The following ZFHX3 variants were observed in gnomAD, a reference collection of about 807,000 sequenced individuals.
ZFHX3 encodes zinc finger homeobox 3.
A neutral mutation model predicts 279.1 loss-of-function variants in ZFHX3; 42 were observed. The ratio of observed to expected loss-of-function variants is 0.15; its 90% CI spans 0.12 to 0.19. The LOEUF is 0.19. ZFHX3 is among the 10% of genes least tolerant of loss of function. The pLI is 1.00. For synonymous variants in ZFHX3, 2,293 were observed against 1,957.8 expected, an observed-to-expected ratio of 1.17 and a Z score of -4.52; for missense variants, 4,981 against 4,754.0, an observed-to-expected ratio of 1.05 and a Z score of -1.40.
intron 7 of ZFHX3, chr16:73,127,704 C>T: frequency 9.6e-7 from 1 of 1,042,376 alleles, no homozygotes; most frequent in Non-Finnish European, 1.2e-6. Context: ...GAACCTCACT[C>T]AGTAAGGGCT....
intron 1 of ZFHX3, among the ~76,000 whole-genome samples, chr16:72,990,146 G>A (rs564016005): frequency 1.3e-5 from 2 of 152,252 alleles, no homozygotes; most frequent in African/African-American, 2.4e-5. Flanking sequence ...AGAGGGACAC[G>A]CCTCCCTAAC....
chr16:73,852,683 G>C (rs1452512889), intron 1 of ZFHX3, among the ~76,000 whole-genome samples: 1 of 152,150 alleles, frequency 6.6e-6, no homozygotes, highest in Non-Finnish European at 1.5e-5. Flanking sequence ...CTCCTAGGAA[G>C]ACTGAGCTTT....
chr16:73,378,843 T>C (rs2016770912), intron 3 of ZFHX3, among the ~76,000 whole-genome samples: 1 of 152,182 alleles, frequency 6.6e-6, no homozygotes, highest in Admixed American at 6.5e-5. Flanking sequence ...CTTAAATCTT[T>C]CCCTGGGAGA....
intron 8 of ZFHX3, among the ~76,000 whole-genome samples, chr16:73,076,376 T>G (rs1965886731): frequency 6.6e-6 from 1 of 152,190 alleles, no homozygotes; most frequent in Non-Finnish European, 1.5e-5. Flanking sequence ...TAAAGATACG[T>G]TATCAAGGAC....
chr16:73,586,425 CAAAA>C (rs371931738), intron 2 of ZFHX3, among the ~76,000 whole-genome samples: 31 of 120,116 alleles, frequency 2.6e-4, no homozygotes, highest in South Asian at 1.7e-3. Context: ...AACAAACAAA[CAAAA>C]AAACATACAG....
chr16:73,075,507 G>A lies in ZFHX3; in HGVS notation c.-532-16495C>T. Among the ~76,000 whole-genome samples the A allele has an allele frequency of 1.3e-5, 2 of 152,034 alleles. 1 individual carries two copies. Among genetic ancestry groups the A allele is most frequent in the Non-Finnish European group, 2.9e-5 (2 of 68,002 alleles). ...CAGTGAGGCAGTGTTGGCAGCTCAG[G>A]ACAGACTCACCTTACACGCAAAGCC... On this transcript the variant is annotated intron_variant, in intron 8 of 17. Transcript: ENST00000641206.
At chr16:73,048,905 T>TG (rs1965397468), upstream of ZFHX3, among the ~76,000 whole-genome samples, 1 of 152,208 alleles carries the variant, frequency 6.6e-6, no homozygotes, top group East Asian at 1.9e-4. Flanking sequence ...GAAAAGGAGA[T>TG]GCAGTCTACC....
At chr16:73,650,773 C>T (rs548324139) in intron 2 of ZFHX3, among the ~76,000 whole-genome samples, 7 of 152,238 alleles carry the variant, frequency 4.6e-5, no homozygotes, top group African/African-American at 1.7e-4. Context: ...CCTGGCTAAG[C>T]AGATTTAACT....
At chr16:73,525,321 G>T (rs922543955) in intron 2 of ZFHX3, among the ~76,000 whole-genome samples, 1 of 152,130 alleles carries the variant, frequency 6.6e-6, no homozygotes. Context: ...ACAAAATCCA[G>T]TAACATGTAG....
Position 73,843,041 on chromosome 16 carries a change from T to C in ZFHX3, c.-1608+48610A>G, listed in dbSNP as rs1378270335. 4.6e-5 allele frequency among the ~76,000 whole-genome samples: 7 copies of C among 152,382 alleles called. No individual in the cohort carries two copies. The East Asian group carries it at 1.2e-3, about 25-fold the overall frequency. On this transcript the variant is annotated intron_variant, in intron 1 of 17. Transcript: ENST00000641206. The stretch of plus-strand genomic sequence containing the variant: ...AATAAAGGACTGTCTGATTTCTTTT[T>C]TCCTCATTTTGTTATTTGGATTTCT...
chr16:73,020,331 G>A (rs989112315), intron 1 of ZFHX3, among the ~76,000 whole-genome samples: 2 of 152,188 alleles, frequency 1.3e-5, no homozygotes, highest in African/African-American at 4.8e-5. Flanking sequence ...AGGAAACCAC[G>A]AAGAGGGGTG....
intron 5 of ZFHX3, among the ~76,000 whole-genome samples, chr16:73,254,939 C>T (rs537690035): frequency 6.6e-6 from 1 of 152,096 alleles, no homozygotes; most frequent in Non-Finnish European, 1.5e-5. Flanking sequence ...CACCATCCAT[C>T]CATCCATCCA....
At chr16:73,822,516 C>CT (rs528330090) in intron 1 of ZFHX3, among the ~76,000 whole-genome samples, 10,127 of 146,720 alleles carry the variant, frequency 0.069, 779 homozygotes, top group African/African-American at 0.2. Flanking sequence ...GCTGCTTTTG[C>CT]TTTTTTTTTT....
chr16:72,983,482 G>A (rs1488199509), intron 1 of ZFHX3, among the ~76,000 whole-genome samples: 1 of 152,196 alleles, frequency 6.6e-6, no homozygotes, highest in Non-Finnish European at 1.5e-5. Context: ...CGAGGCGGGA[G>A]GATCACTTGA....
At chr16:73,565,502 C>G (rs116328048) in intron 2 of ZFHX3, among the ~76,000 whole-genome samples, 1 of 152,116 alleles carries the variant, frequency 6.6e-6, no homozygotes, top group African/African-American at 2.4e-5. Context: ...GTCCTTTTCC[C>G]GAAAGGTTAC....
chr16:73,755,755 A>T (rs187302859), intron 1 of ZFHX3, among the ~76,000 whole-genome samples: 1 of 152,330 alleles, frequency 6.6e-6, no homozygotes, highest in Admixed American at 6.5e-5. Context: ...AAAATGAAGC[A>T]CTGCACCCCC....
chr16:73,177,899 G>A (rs1046788377), intron 5 of ZFHX3, among the ~76,000 whole-genome samples: 5 of 152,142 alleles, frequency 3.3e-5, no homozygotes, highest in Admixed American at 6.5e-5. Flanking sequence ...GTGGAGGCGC[G>A]GTAGGGAAAG....
At chr16:73,821,309 G>A (rs1319622006) in intron 1 of ZFHX3, among the ~76,000 whole-genome samples, 2 of 152,238 alleles carry the variant, frequency 1.3e-5, no homozygotes, top group African/African-American at 2.4e-5. Context: ...TTTGAGGAAT[G>A]TGGTCGGCAG....
chr16:73,544,328 G>T (rs1241380795), intron 2 of ZFHX3, among the ~76,000 whole-genome samples: 1 of 152,144 alleles, frequency 6.6e-6, no homozygotes, highest in Non-Finnish European at 1.5e-5. Flanking sequence ...AGTCTCTTTG[G>T]ATGTAAGGAG....
Sources: allele counts gnomAD v4.1 joint callset (sites outside exome capture counted in the v4.1 genomes callset), GRCh38; gene constraint gnomAD v4.1.1; transcripts MANE v1.5; gene names NCBI Gene and HGNC (gene_info 2026-07-23, HGNC 2026-07-21).